The following UNC5D variants were observed in gnomAD, a reference collection of about 807,000 sequenced individuals.
UNC5D encodes the protein unc-5 netrin receptor D, also known as netrin receptor UNC5D.
A neutral mutation model predicts 105.4 loss-of-function variants in UNC5D; 39 were observed. The ratio of observed to expected loss-of-function variants is 0.37; its 90% CI spans 0.29 to 0.48. UNC5D has a LOEUF of 0.48. UNC5D is among the 20% of genes least tolerant of loss of function. UNC5D has a pLI of 0.98. For synonymous variants in UNC5D, 452 were observed against 450.4 expected (o/e 1.00, Z -0.04); for missense variants, 991 against 1,202.4 (o/e 0.82, Z 2.60).
intron 1 of UNC5D, among the ~76,000 whole-genome samples, chr8:35,330,091 G>A (rs77310553): frequency 0.026 from 3,989 of 152,248 alleles, 176 homozygotes; most frequent in African/African-American, 0.092. Context: ...TTTCACAGCA[G>A]CTAAGTAATT....
At chr8:35,438,097 A>G (rs1461487508) in intron 1 of UNC5D, among the ~76,000 whole-genome samples, 2 of 150,982 alleles carry the variant, frequency 1.3e-5, no homozygotes, top group African/African-American at 4.8e-5. Flanking sequence ...GGAAAAGGCA[A>G]AACAAACAAA....
intron 1 of UNC5D, among the ~76,000 whole-genome samples, chr8:35,352,717 A>T (rs1812325114): frequency 6.6e-6 from 1 of 152,058 alleles, no homozygotes; most frequent in Non-Finnish European, 1.5e-5. Flanking sequence ...GGTTCAAGTG[A>T]TTCTTCTGCC....
chr8:35,425,456 T>A (rs113839810), intron 1 of UNC5D, among the ~76,000 whole-genome samples: 1 of 152,250 alleles, frequency 6.6e-6, no homozygotes, highest in African/African-American at 2.4e-5. Flanking sequence ...GTGTAAACTC[T>A]CCGAGACCCC....
chr8:35,780,182 G>T (rs1165572397), intron 16 of UNC5D, among the ~76,000 whole-genome samples: 1 of 152,168 alleles, frequency 6.6e-6, no homozygotes, highest in Non-Finnish European at 1.5e-5. Context: ...ATAAGCACTT[G>T]CCAGGGAAAA....
At chr8:35,760,956 A>C (rs1231315522) in intron 14 of UNC5D, among the ~76,000 whole-genome samples, 1 of 152,134 alleles carries the variant, frequency 6.6e-6, no homozygotes, top group Non-Finnish European at 1.5e-5. Flanking sequence ...TTGACTTTTC[A>C]GACTTATTAC....
intron 3 of UNC5D, among the ~76,000 whole-genome samples, chr8:35,584,468 G>A (rs1818657089): frequency 6.6e-6 from 1 of 152,104 alleles, no homozygotes; most frequent in African/African-American, 2.4e-5. Flanking sequence ...AGACTGGAGT[G>A]AAGTGGCATG....
intron 12 of UNC5D, among the ~76,000 whole-genome samples, chr8:35,748,955 T>C (rs1830131591): frequency 6.6e-6 from 1 of 152,170 alleles, no homozygotes; most frequent in African/African-American, 2.4e-5. Context: ...CATCTACACC[T>C]ACATACCTGC....
In UNC5D at chr8:35,314,054, T is replaced by C. The variant is rs563225330; in HGVS notation, c.103+78167T>C. Among the ~76,000 whole-genome samples, 5 of 152,312 alleles carry C rather than the reference T, an allele frequency of 3.3e-5. No homozygotes were observed. The East Asian group carries it at 9.7e-4, about 29-fold the overall frequency. On this transcript the variant is annotated intron_variant, in intron 1 of 16. Transcript: ENST00000404895. ...ACATTTGGATTCTGAAAATAATAGATTGTTACAATTTCTCTTTCAAAAAAA... is the reference window on the plus strand; with the variant it reads ...ACATTTGGATTCTGAAAATAATAGACTGTTACAATTTCTCTTTCAAAAAAA...
intron 2 of UNC5D, among the ~76,000 whole-genome samples, chr8:35,563,104 C>T (rs1333582002): frequency 2.6e-5 from 4 of 151,514 alleles, no homozygotes; most frequent in Non-Finnish European, 2.9e-5. Flanking sequence ...TTTATGGGTC[C>T]GTACAAATTT....
chr8:35,479,639 C>A (rs1810346844), intron 1 of UNC5D, among the ~76,000 whole-genome samples: 1 of 152,042 alleles, frequency 6.6e-6, no homozygotes, highest in Non-Finnish European at 1.5e-5. Flanking sequence ...TTGTGTGCAA[C>A]AACATGGATG....
rs1802421095 is a variant in UNC5D, at chr8:35,235,902, G to T, written c.103+15G>T. On this transcript the variant is annotated intron_variant, in intron 1 of 16. Coordinates refer to ENST00000404895, the MANE Select transcript of UNC5D (RefSeq NM_080872.4). ...GGCTGCCCGAGGTAAGCGCTGGGCG[G>T]AGCGGGCAGCTGGGGGCGAGGGCGC... 3 of 1,208,742 alleles carry T rather than the reference G, an allele frequency of 2.5e-6. No homozygotes were observed. The highest frequency in any genetic ancestry group is 2.0e-6 in the Non-Finnish European group (2 of 979,216). 74.9% of individuals were successfully genotyped at this position (1,208,742 alleles called of 1,614,324 possible).
At chr8:35,422,430 TC>T (rs1205004298) in intron 1 of UNC5D, among the ~76,000 whole-genome samples, 1 of 152,228 alleles carries the variant, frequency 6.6e-6, no homozygotes, top group Non-Finnish European at 1.5e-5. Flanking sequence ...CAATATTCTT[TC>T]ATTGTCAGTG....
At chr8:35,413,245 G>T (rs977583933) in intron 1 of UNC5D, among the ~76,000 whole-genome samples, 2 of 137,178 alleles carry the variant, frequency 1.5e-5, no homozygotes, top group Admixed American at 1.6e-4. Flanking sequence ...TCCTAATCAG[G>T]TGGGGGCGGG....
At chr8:35,506,295 C>T (rs1812300917) in intron 1 of UNC5D, among the ~76,000 whole-genome samples, 1 of 152,176 alleles carries the variant, frequency 6.6e-6, no homozygotes, top group Non-Finnish European at 1.5e-5. Flanking sequence ...AAACACTTTT[C>T]TTCTTGGATA....
intron 1 of UNC5D, among the ~76,000 whole-genome samples, chr8:35,334,134 G>C (rs1810841492): frequency 6.6e-6 from 1 of 152,144 alleles, no homozygotes; most frequent in Admixed American, 6.5e-5. Flanking sequence ...GAAACACAGT[G>C]AAGAAAGCAG....
Position 35,451,452 on chromosome 8 carries a change from A to G in UNC5D, c.104-97840A>G, listed in dbSNP as rs148674280. ...GCTCTTTATATATATTAAGACATTGAGTCTTTACAATGGTCCAAAGTGGTG... is the reference window on the plus strand; with the variant it reads ...GCTCTTTATATATATTAAGACATTGGGTCTTTACAATGGTCCAAAGTGGTG... On this transcript the variant is annotated intron_variant, in intron 1 of 16. Transcript: ENST00000404895. 2.6e-5 allele frequency among the ~76,000 whole-genome samples: 4 copies of G among 152,246 alleles called. No individual in the cohort carries two copies. In the East Asian group the frequency reaches 5.8e-4, roughly 22 times the overall value.
intron 2 of UNC5D, among the ~76,000 whole-genome samples, chr8:35,550,554 G>A (rs1433127902): frequency 1.3e-5 from 2 of 152,036 alleles, no homozygotes; most frequent in Admixed American, 6.6e-5. Flanking sequence ...ATATAGCAAC[G>A]ATATTCTATA....
intron 1 of UNC5D, among the ~76,000 whole-genome samples, chr8:35,533,904 C>T (rs1456855685): frequency 6.6e-6 from 1 of 152,214 alleles, no homozygotes; most frequent in Non-Finnish European, 1.5e-5. Context: ...CATGCTTCGG[C>T]TTGCGCACGG....
At chr8:35,684,999 T>C (rs1351573714) in intron 6 of UNC5D, among the ~76,000 whole-genome samples, 1 of 152,196 alleles carries the variant, frequency 6.6e-6, no homozygotes, top group African/African-American at 2.4e-5. Flanking sequence ...AATAAGCCAA[T>C]TGCTATGAAG....
Sources: allele counts gnomAD v4.1 joint callset (sites outside exome capture counted in the v4.1 genomes callset), GRCh38; gene constraint gnomAD v4.1.1; transcripts MANE v1.5; gene names NCBI Gene and HGNC (gene_info 2026-07-23, HGNC 2026-07-21).